CHSY3: variants seen among roughly 807,000 people sequenced by gnomAD.
CHSY3 encodes chondroitin sulfate synthase 3, also known as N-acetylgalactosaminyl-proteoglycan 3-beta-glucuronosyltransferase 3.
Under a neutral mutation model 67.2 loss-of-function variants are expected in CHSY3, and 35 were observed. The observed-to-expected ratio is 0.52, with a 90% CI of 0.40 to 0.69. CHSY3 has a LOEUF of 0.69. CHSY3 is among the 30% of genes least tolerant of loss of function. The pLI is 0.00. For missense variants in CHSY3, 1,069 were observed against 1,138.5 expected (o/e 0.94, Z 0.88); for synonymous variants, 474 against 434.7 (o/e 1.09, Z -1.12).
chr5:130,052,421 A>G (rs1179056383), intron 2 of CHSY3, among the ~76,000 whole-genome samples: 1 of 152,146 alleles, frequency 6.6e-6, no homozygotes, highest in Non-Finnish European at 1.5e-5. Context: ...TGCCATTGGG[A>G]AGATTTTACT....
chr5:130,126,518 T>G (rs1327229244), intron 2 of CHSY3, among the ~76,000 whole-genome samples: 2 of 152,086 alleles, frequency 1.3e-5, no homozygotes, highest in Non-Finnish European at 2.9e-5. Context: ...TGTAATTTTG[T>G]TATGGTAGAG....
chr5:130,020,514 TA>T (rs1295985534), intron 2 of CHSY3, among the ~76,000 whole-genome samples: 1 of 146,410 alleles, frequency 6.8e-6, no homozygotes, highest in Non-Finnish European at 1.5e-5. Context: ...GATTAAAGTT[TA>T]AACTCTCTGT....
chr5:130,022,831 T>C (rs563986232), intron 2 of CHSY3, among the ~76,000 whole-genome samples: 1 of 152,112 alleles, frequency 6.6e-6, no homozygotes, highest in Admixed American at 6.5e-5. Flanking sequence ...AAATATAAAA[T>C]AGTTATTTCT....
At chr5:130,034,656 CAAA>C (rs954402438) in intron 2 of CHSY3, among the ~76,000 whole-genome samples, 1 of 151,756 alleles carries the variant, frequency 6.6e-6, no homozygotes, top group Non-Finnish European at 1.5e-5. Flanking sequence ...AGTAAGCAAT[CAAA>C]AAAAATTTAA....
rs201037524 is a variant in CHSY3, at chr5:130,184,528, A to C, written c.1386A>C (p.Glu462Asp). The change falls in exon 3 of 3, where the codon GAA becomes GAC. Residue 462 changes from glutamate (E) to aspartate (D), a missense_variant. This residue lies in a region of CHSY3 where 401 missense variants were observed against 395.2 expected (regional missense o/e 1.01). Transcript: ENST00000305031. ...ACTTCCAGCCTCGGGAGAGAAATGAAGTGATAGAATGGGAGTTCCTGACAG... is the reference window on the plus strand; with the variant it reads ...ACTTCCAGCCTCGGGAGAGAAATGACGTGATAGAATGGGAGTTCCTGACAG... The part of the protein sequence containing the change: ...FNHFQPRERN[E>D]VIEWEFLTGK... 34 of 1,610,592 alleles carry C rather than the reference A, an allele frequency of 2.1e-5. No individual in the cohort carries two copies. The highest frequency in any genetic ancestry group is 1.2e-4 in the Admixed American group (7 of 59,944).
chr5:129,995,425 T>C (rs1240951518), intron 2 of CHSY3, among the ~76,000 whole-genome samples: 1 of 152,072 alleles, frequency 6.6e-6, no homozygotes. Context: ...ACAGAAGGTC[T>C]TAGTTTTAAT....
At chr5:130,068,957 A>G (rs1203368187) in intron 2 of CHSY3, among the ~76,000 whole-genome samples, 1 of 152,142 alleles carries the variant, frequency 6.6e-6, no homozygotes, top group Non-Finnish European at 1.5e-5. Flanking sequence ...TTTGTGCATG[A>G]ATGAATAAAT....
chr5:130,101,794 C>A (rs999460890), intron 2 of CHSY3, among the ~76,000 whole-genome samples: 11 of 152,032 alleles, frequency 7.2e-5, no homozygotes, highest in Admixed American at 5.2e-4. Flanking sequence ...CAAAAAATTT[C>A]TTTCAATACT....
intron 2 of CHSY3, among the ~76,000 whole-genome samples, chr5:130,064,415 T>C (rs1765815774): frequency 6.6e-6 from 1 of 152,158 alleles, no homozygotes; most frequent in African/African-American, 2.4e-5. Flanking sequence ...GAGATAGTTC[T>C]ATGTATTGCT....
chr5:130,091,043 C>A (rs1478727642), intron 2 of CHSY3, among the ~76,000 whole-genome samples: 1 of 151,884 alleles, frequency 6.6e-6, no homozygotes, highest in African/African-American at 2.4e-5. Context: ...ATTTATATCT[C>A]TTATTTACCA....
chr5:130,037,506 A>C (rs958789829), intron 2 of CHSY3, among the ~76,000 whole-genome samples: 1 of 152,132 alleles, frequency 6.6e-6, no homozygotes, highest in Non-Finnish European at 1.5e-5. Flanking sequence ...CTTTTAAATC[A>C]GTAAGAAAAA....
chr5:130,135,510 C>A (rs1768632822), intron 2 of CHSY3, among the ~76,000 whole-genome samples: 1 of 152,232 alleles, frequency 6.6e-6, no homozygotes, highest in East Asian at 1.9e-4. Flanking sequence ...CTTATATTTT[C>A]ATTTGTTTAA....
In CHSY3 at chr5:130,153,818, C is replaced by T. The variant is rs187683740; in HGVS notation, c.1087-30411C>T. 2.4e-4 allele frequency among the ~76,000 whole-genome samples: 36 copies of T among 152,062 alleles called. No individual in the cohort carries two copies. The East Asian group carries it at 5.2e-3, about 22-fold the overall frequency. On this transcript the variant is annotated intron_variant, in intron 2 of 2. Transcript: ENST00000305031. The stretch of plus-strand genomic sequence containing the variant: ...CATTGTTCATTTAGTTTTTGTTTTT[C>T]GTTTTTTTGTTTGTTTTATTTTTTT...
At chr5:130,177,626 T>C (rs1770096007) in intron 2 of CHSY3, among the ~76,000 whole-genome samples, 1 of 152,152 alleles carries the variant, frequency 6.6e-6, no homozygotes, top group Non-Finnish European at 1.5e-5. Flanking sequence ...TCTATAGACA[T>C]GCTGCTTTTT....
At chr5:130,035,263 T>C (rs1180718572) in intron 2 of CHSY3, among the ~76,000 whole-genome samples, 1 of 151,920 alleles carries the variant, frequency 6.6e-6, no homozygotes, top group Non-Finnish European at 1.5e-5. Flanking sequence ...GAAGGGGCAG[T>C]TTTGTGGGTA....
chr5:130,178,203 A>ATATT (rs1554088366), intron 2 of CHSY3, among the ~76,000 whole-genome samples: 2 of 110,026 alleles, frequency 1.8e-5, no homozygotes, highest in African/African-American at 7.5e-5. Context: ...ATATATATTT[A>ATATT]TATATATATG....
intron 2 of CHSY3, among the ~76,000 whole-genome samples, chr5:130,049,884 G>C (rs545366284): frequency 9.2e-5 from 14 of 151,786 alleles, no homozygotes; most frequent in Non-Finnish European, 1.8e-4. Flanking sequence ...GGGAGAATAA[G>C]GGGATCACCA....
At chr5:130,133,398 T>A (rs1360650135) in intron 2 of CHSY3, among the ~76,000 whole-genome samples, 1 of 152,174 alleles carries the variant, frequency 6.6e-6, no homozygotes, top group Non-Finnish European at 1.5e-5. Flanking sequence ...GCTTTCATAA[T>A]CTTGAAATTA....
intron 2 of CHSY3, among the ~76,000 whole-genome samples, chr5:130,062,555 T>A (rs1225376537): frequency 1.3e-5 from 2 of 152,090 alleles, no homozygotes; most frequent in African/African-American, 4.8e-5. Context: ...TAAAATATGA[T>A]AATTTTTTTT....
Sources: allele counts gnomAD v4.1 joint callset (sites outside exome capture counted in the v4.1 genomes callset), GRCh38; gene constraint gnomAD v4.1.1; regional missense constraint gnomAD v4.1.1; transcripts MANE v1.5; gene names NCBI Gene and HGNC (gene_info 2026-07-23, HGNC 2026-07-21).